Variants in ZFHX3 observed in about 807,000 individuals in gnomAD.
The protein encoded by ZFHX3 is zinc finger homeobox 3, also known as zinc finger homeobox protein 3.
A neutral mutation model predicts 279.1 loss-of-function variants in ZFHX3; 42 were observed. That is an observed-to-expected ratio of 0.15 (90% confidence interval 0.12 to 0.19). ZFHX3 has a LOEUF of 0.19. ZFHX3 is among the 10% of genes least tolerant of loss of function. The pLI, the probability that ZFHX3 is intolerant of heterozygous loss-of-function variation, is 1.00. For synonymous variants in ZFHX3, 2,293 were observed against 1,957.8 expected (o/e 1.17, Z -4.52); for missense variants, 4,981 against 4,754.0 (o/e 1.05, Z -1.40).
rs776573915 is a variant in ZFHX3, at chr16:72,959,691, T to C, written c.455A>G (p.Gln152Arg). Residue 152 changes from glutamine (Q) to arginine (R), a missense_variant, in exon 2 of 10, where the codon CAG (glutamine) becomes CGG (arginine). Physicochemically the swap from Gln to Arg is conservative, Grantham distance 43. This residue lies in a region of ZFHX3 where 1,068 missense variants were observed against 935.2 expected (regional missense o/e 1.14). Coordinates refer to ENST00000268489, the MANE Select transcript of ZFHX3 (RefSeq NM_006885.4). ...YIVESLSQLT[Q>R]GGGACGSGSG... ...GCCACTCCCACAGGCGCCCCCGCCC[T>C]GGGTCAGCTGGCTCAGGCTCTCCAC... 18 of 1,613,858 alleles carry C rather than the reference T, an allele frequency of 1.1e-5. No individual in the cohort carries two copies. The South Asian group carries it at 1.9e-4, about 17-fold the overall frequency.
At chr16:73,143,680 TC>T (rs1427887271) in intron 6 of ZFHX3, 5 of 1,132,188 alleles carry the variant, frequency 4.4e-6, no homozygotes, top group Non-Finnish European at 3.6e-6. Context: ...GGCTGGTTAG[TC>T]TTTTTTGACT....
chr16:73,120,471 A>C (rs868701965), intron 7 of ZFHX3, among the ~76,000 whole-genome samples: 1 of 151,558 alleles, frequency 6.6e-6, no homozygotes, highest in Non-Finnish European at 1.5e-5. Flanking sequence ...ACAGGGTCTC[A>C]CTCCATTGCC....
intron 7 of ZFHX3, among the ~76,000 whole-genome samples, chr16:73,117,104 T>C (rs550473956): frequency 1.3e-5 from 2 of 152,358 alleles, no homozygotes; most frequent in East Asian, 3.9e-4. Context: ...TGCTTCAAAC[T>C]CTAGGTATGA....
intron 3 of ZFHX3, among the ~76,000 whole-genome samples, chr16:73,364,437 T>C (rs1298586020): frequency 6.6e-6 from 1 of 151,874 alleles, no homozygotes; most frequent in Non-Finnish European, 1.5e-5. Flanking sequence ...TAAGAGGAAC[T>C]AAACAGAAGT....
chr16:73,102,202 C>T (rs1966240518), intron 7 of ZFHX3, among the ~76,000 whole-genome samples: 1 of 152,194 alleles, frequency 6.6e-6, no homozygotes, highest in African/African-American at 2.4e-5. Context: ...GAGTGAGCCA[C>T]TGTGCCTGGC....
intron 2 of ZFHX3, among the ~76,000 whole-genome samples, chr16:73,482,345 C>T (rs1187568934): frequency 6.6e-6 from 1 of 152,210 alleles, no homozygotes; most frequent in East Asian, 1.9e-4. Flanking sequence ...TCTGATCCCA[C>T]TGAAATCTAA....
chr16:73,138,345 C>T (rs1049536761), intron 6 of ZFHX3, among the ~76,000 whole-genome samples: 5 of 152,060 alleles, frequency 3.3e-5, no homozygotes, highest in Non-Finnish European at 7.4e-5. Flanking sequence ...TAGAGAAAAG[C>T]AACAAGGAAG....
In ZFHX3 at chr16:72,787,694, AGCCGCC is replaced by A. The variant is rs374416547; in HGVS notation, c.10576_10581del (p.Gly3526_Gly3527del). On this transcript the variant is annotated inframe_deletion, in exon 10 of 10. Transcript: ENST00000268489. Reference sequence around the variant, plus strand: ...CTCTCGCACGCCAGGCAGTGGTACGAGCCGCCGCCGCCGCCGCCGCCGCCACCGCCG... The same window carrying A: ...CTCTCGCACGCCAGGCAGTGGTACGAGCCGCCGCCGCCGCCGCCACCGCCG... The A allele has an allele frequency of 1.8e-3, 2,584 of 1,420,704 alleles. 94 individuals carry two copies. The highest frequency in any genetic ancestry group is 0.013 in the South Asian group (697 of 53,422). 88.0% of individuals were successfully genotyped at this position (1,420,704 alleles called of 1,614,324 possible).
intron 1 of ZFHX3, among the ~76,000 whole-genome samples, chr16:73,803,304 C>T (rs1297314116): frequency 6.6e-6 from 1 of 152,106 alleles, no homozygotes; most frequent in Non-Finnish European, 1.5e-5. Context: ...GAGGTATGTT[C>T]AGTTGAGGTA....
chr16:73,342,334 CT>C (rs2016047608), intron 3 of ZFHX3, among the ~76,000 whole-genome samples: 2 of 152,174 alleles, frequency 1.3e-5, no homozygotes, highest in Non-Finnish European at 2.9e-5. Context: ...GTAATTTATC[CT>C]GAAGACACCT....
chr16:72,933,975 C>T (rs922783260), intron 3 of ZFHX3, among the ~76,000 whole-genome samples: 2 of 151,934 alleles, frequency 1.3e-5, no homozygotes, highest in African/African-American at 2.4e-5. Context: ...CCCTCCACCA[C>T]GCCCAGCTAA....
At chr16:73,304,910 T>C (rs2015144659) in intron 4 of ZFHX3, among the ~76,000 whole-genome samples, 1 of 152,060 alleles carries the variant, frequency 6.6e-6, no homozygotes, top group African/African-American at 2.4e-5. Context: ...ACCTGCAATA[T>C]GTCTTTGGGA....
chr16:73,095,898 A>T (rs1180670028), intron 7 of ZFHX3, among the ~76,000 whole-genome samples: 1 of 152,216 alleles, frequency 6.6e-6, no homozygotes, highest in Non-Finnish European at 1.5e-5. Context: ...AGCTGTTAGG[A>T]GCTTCCACTT....
At chr16:73,864,538 G>A (rs1961962070) in intron 1 of ZFHX3, among the ~76,000 whole-genome samples, 1 of 152,160 alleles carries the variant, frequency 6.6e-6, no homozygotes, top group African/African-American at 2.4e-5. Context: ...GGACAACATG[G>A]TGAAACCCTG....
intron 2 of ZFHX3, among the ~76,000 whole-genome samples, chr16:73,590,492 G>C (rs1442650366): frequency 3.9e-5 from 6 of 152,184 alleles, no homozygotes; most frequent in Admixed American, 2.0e-4. Flanking sequence ...AGTGGGTCAA[G>C]AGCAGCAACA....
At chr16:72,990,612 C>T (rs1010162157) in intron 1 of ZFHX3, among the ~76,000 whole-genome samples, 3 of 152,166 alleles carry the variant, frequency 2.0e-5, no homozygotes, top group African/African-American at 7.2e-5. Context: ...CAGTTCTCCT[C>T]ACTTTAAACG....
chr16:73,660,395 G>A (rs547641671), intron 2 of ZFHX3, among the ~76,000 whole-genome samples: 111 of 152,300 alleles, frequency 7.3e-4, no homozygotes, highest in African/African-American at 2.6e-3. Context: ...TACTGTGTAT[G>A]AACCAGAAAA....
chr16:73,272,203 G>A (rs1270271229), intron 4 of ZFHX3, among the ~76,000 whole-genome samples: 2 of 152,148 alleles, frequency 1.3e-5, no homozygotes, highest in Non-Finnish European at 2.9e-5. Context: ...AAAATTTTAA[G>A]TGCTCTTTCA....
At chr16:72,955,349 T>C (rs1160846371) in intron 2 of ZFHX3, among the ~76,000 whole-genome samples, 1 of 152,234 alleles carries the variant, frequency 6.6e-6, no homozygotes, top group Non-Finnish European at 1.5e-5. Flanking sequence ...TTCATTCTTC[T>C]GCTCCTTCTG....
Sources: allele counts gnomAD v4.1 joint callset (sites outside exome capture counted in the v4.1 genomes callset), GRCh38; gene constraint gnomAD v4.1.1; regional missense constraint gnomAD v4.1.1; transcripts MANE v1.5; gene names NCBI Gene and HGNC (gene_info 2026-07-23, HGNC 2026-07-21).